Variants in KLRG1 observed in about 807,000 individuals in gnomAD.
KLRG1 encodes killer cell lectin like receptor G1.
KLRG1 carries 16 observed loss-of-function variants against 21.8 expected under a neutral mutation model. That is an observed-to-expected ratio of 0.73 (90% CI 0.50 to 1.11). The LOEUF is 1.11. KLRG1 is among the 50% of genes most tolerant of loss of function. The pLI, the probability that KLRG1 is intolerant of heterozygous loss-of-function variation, is 0.00. For missense variants in KLRG1, 173 were observed against 218.3 expected (o/e 0.79, Z 1.31); for synonymous variants, 69 against 75.9 (o/e 0.91, Z 0.47).
At chr12:9,173,382 A>G in the KLRG1 span, among the ~76,000 whole-genome samples, 1 of 152,226 alleles carries the variant, frequency 6.6e-6, no homozygotes, top group Non-Finnish European at 1.5e-5. Context: ...GAAAGATATC[A>G]AATCAACAAC....
Position 9,009,412 on chromosome 12 carries a change from C to G in KLRG1, c.459-14C>G. 6.2e-7 allele frequency: 1 copy of G among 1,613,502 alleles called. No homozygotes were observed. The highest frequency in any genetic ancestry group is 2.2e-5 in the East Asian group (1 of 44,780). On this transcript the variant is annotated splice_polypyrimidine_tract_variant and intron_variant, in intron 4 of 4. Transcript: ENST00000356986. ...ATGCGGCCTTAAGTGATTGACTTTT[C>G]TGATTTCTTACAGGATTTCTTCTAA...
chr12:9,153,200 C>T, the KLRG1 span: 4 of 1,614,038 alleles, frequency 2.5e-6, no homozygotes, highest in Non-Finnish European at 3.4e-6. Flanking sequence ...AGATCTGCTG[C>T]AGTAATAGGA....
the KLRG1 span, chr12:9,112,625 C>T: frequency 4.9e-6 from 7 of 1,442,966 alleles, no homozygotes; most frequent in African/African-American, 9.8e-5. Flanking sequence ...GGAGATCTTG[C>T]CCTTCTTACT....
At chr12:9,200,755 C>T in the KLRG1 span, 3 of 918,384 alleles carry the variant, frequency 3.3e-6, no homozygotes, top group African/African-American at 3.3e-5. Flanking sequence ...GTGTTCACAC[C>T]GTCCTAATGG....
At chr12:9,022,819 TA>T in the KLRG1 span, among the ~76,000 whole-genome samples, 1 of 152,166 alleles carries the variant, frequency 6.6e-6, no homozygotes, top group Non-Finnish European at 1.5e-5. Context: ...TGTAATCAAT[TA>T]TGCCTATGTA....
chr12:9,034,644 A>G, the KLRG1 span, among the ~76,000 whole-genome samples: 2 of 152,070 alleles, frequency 1.3e-5, no homozygotes, highest in African/African-American at 4.8e-5. Flanking sequence ...GACGGGTTTC[A>G]TCATGTTGGC....
intron 3 of KLRG1, among the ~76,000 whole-genome samples, chr12:9,005,121 G>A (rs778999369): frequency 7.3e-5 from 11 of 151,550 alleles, no homozygotes; most frequent in African/African-American, 1.7e-4. Context: ...ACCAAACACC[G>A]CATGTTCTCA....
chr12:9,197,020 T>C, the KLRG1 span: 1 of 1,608,656 alleles, frequency 6.2e-7, no homozygotes, highest in Non-Finnish European at 8.5e-7. Flanking sequence ...ACCTGTTGAC[T>C]GAATTCCTCA....
At chr12:9,095,813 G>T in the KLRG1 span, 1 of 841,700 alleles carries the variant, frequency 1.2e-6, no homozygotes, top group Non-Finnish European at 1.7e-6. Flanking sequence ...ACCGCGGACT[G>T]CAGTGGCGCA....
the KLRG1 span, among the ~76,000 whole-genome samples, chr12:9,071,066 C>T: frequency 1.1e-4 from 17 of 151,968 alleles, no homozygotes; most frequent in Admixed American, 2.0e-4. Context: ...GTAATCTGCC[C>T]GCCTTGGCCT....
chr12:9,148,637 CTATCATCCCCT>C, the KLRG1 span, among the ~76,000 whole-genome samples: 1 of 152,084 alleles, frequency 6.6e-6, no homozygotes, highest in Non-Finnish European at 1.5e-5. Context: ...TTTATATTAT[CTATCATCCCCT>C]TATGTTCTCA....
At chr12:9,078,698 TA>T in the KLRG1 span, among the ~76,000 whole-genome samples, 1 of 152,268 alleles carries the variant, frequency 6.6e-6, no homozygotes, top group Admixed American at 6.5e-5. Flanking sequence ...AGTAAGGCTT[TA>T]AATCTCTCTT....
chr12:8,953,692 A>G lies in KLRG1; in HGVS notation c.-156+3456A>G, dbSNP rs749901384. Among the ~76,000 whole-genome samples, 14 of 152,290 alleles carry G rather than the reference A, an allele frequency of 9.2e-5. No homozygotes were observed. The South Asian group carries it at 2.9e-3, about 32-fold the overall frequency. On this transcript the variant is annotated intron_variant, in intron 1 of 4. Coordinates refer to the KLRG1 transcript ENST00000539240. ...AGGGAAGTGATACGTTTTTATATCA[A>G]TCAGGGTCCATTCAGAAACAGATAT...
intron 1 of KLRG1, among the ~76,000 whole-genome samples, chr12:8,951,279 C>T (rs1021016086): frequency 2.7e-5 from 4 of 150,112 alleles, no homozygotes; most frequent in African/African-American, 9.8e-5. Flanking sequence ...TCAAGACTAG[C>T]CTGGGCAACA....
the KLRG1 span, among the ~76,000 whole-genome samples, chr12:9,019,116 C>A: frequency 1.3e-5 from 2 of 152,096 alleles, no homozygotes; most frequent in Non-Finnish European, 2.9e-5. Flanking sequence ...GGCAAAAGAT[C>A]TGAATAGACA....
chr12:9,075,446 TA>T, the KLRG1 span, among the ~76,000 whole-genome samples: 1 of 151,722 alleles, frequency 6.6e-6, no homozygotes, highest in South Asian at 2.1e-4. Context: ...TAGCAAAACA[TA>T]AAAAAAATCC....
At chr12:9,073,255 T>C in the KLRG1 span, among the ~76,000 whole-genome samples, 1 of 152,202 alleles carries the variant, frequency 6.6e-6, no homozygotes, top group Non-Finnish European at 1.5e-5. Context: ...TCAGTCTGGC[T>C]CTCTCCCATA....
the KLRG1 span, chr12:9,157,103 C>T: frequency 6.9e-7 from 1 of 1,445,784 alleles, no homozygotes; most frequent in Non-Finnish European, 9.5e-7. Context: ...CAGACAGGCC[C>T]CAATGTGTGC....
the KLRG1 span, among the ~76,000 whole-genome samples, chr12:9,017,212 C>T: frequency 1.2e-4 from 15 of 129,062 alleles, no homozygotes; most frequent in South Asian, 3.0e-3. Context: ...TGCAGTGAGC[C>T]GAGATCATGC....
Sources: gnomAD v4.1 joint callset for allele counts (sites outside exome capture counted in the v4.1 genomes callset) on GRCh38, gnomAD v4.1.1 for gene constraint, MANE v1.5 for transcripts, NCBI Gene and HGNC (gene_info 2026-07-23, HGNC 2026-07-21) for gene names.